Variants in CFAP47 observed in about 807,000 individuals in gnomAD.
The protein encoded by CFAP47 is cilia- and flagella-associated protein 47.
CFAP47 carries 29 observed loss-of-function variants against 148.1 expected under a neutral mutation model. The observed-to-expected ratio is 0.20, with a 90% CI of 0.15 to 0.27. CFAP47 has a LOEUF of 0.27. Among genes scored for constraint, CFAP47 ranks in the 10% least tolerant of loss-of-function variants. CFAP47 has a pLI of 1.00. For missense variants in CFAP47, 1,872 were observed against 1,697.5 expected, an observed-to-expected ratio of 1.10 and a Z score of -1.81; for synonymous variants, 664 against 577.3, an observed-to-expected ratio of 1.15 and a Z score of -2.15.
intron 27 of CFAP47, among the ~76,000 whole-genome samples, chrX:36,066,624 T>C (rs1937644396): frequency 9.0e-6 from 1 of 111,694 alleles, no homozygotes; most frequent in African/African-American, 3.3e-5. Flanking sequence ...TATTCCTTTA[T>C]CTGAATCCCT....
At chrX:36,172,413 C>G (rs1416240641) in intron 39 of CFAP47, among the ~76,000 whole-genome samples, 1 of 107,429 alleles carries the variant, frequency 9.3e-6, no homozygotes, top group Non-Finnish European at 1.9e-5. Flanking sequence ...TTTGCCCATT[C>G]AGTATGATAT....
At chrX:36,333,264 T>G (rs1941579114) in intron 57 of CFAP47, among the ~76,000 whole-genome samples, 1 of 110,848 alleles carries the variant, frequency 9.0e-6, no homozygotes, top group African/African-American at 3.3e-5. Context: ...ATCCTAAAAC[T>G]TTACCATACC....
chrX:36,018,491 C>T (rs889130166), intron 22 of CFAP47, among the ~76,000 whole-genome samples: 1 of 111,739 alleles, frequency 8.9e-6, no homozygotes, highest in East Asian at 2.8e-4. Context: ...TCATGTATGA[C>T]TTTTATTACG....
intron 2 of CFAP47, 100 bp downstream of exon 2, chrX:35,926,268 A>G: frequency 3.1e-6 from 2 of 635,390 alleles, no homozygotes; most frequent in Non-Finnish European, 4.5e-6. Flanking sequence ...TAGTTTCCTG[A>G]CAGTTGAACT....
intron 13 of CFAP47, among the ~76,000 whole-genome samples, chrX:35,973,962 T>C (rs766871570): frequency 1.8e-5 from 2 of 112,238 alleles, no homozygotes; most frequent in South Asian, 3.7e-4. Context: ...CACCATATAC[T>C]AGACACAGTT....
intron 21 of CFAP47, among the ~76,000 whole-genome samples, chrX:36,005,153 G>A (rs758682474): frequency 1.1e-4 from 12 of 110,087 alleles, no homozygotes; most frequent in Admixed American, 6.8e-4. Flanking sequence ...CCAACTTTTG[G>A]TATTTCTGAT....
intron 57 of CFAP47, among the ~76,000 whole-genome samples, chrX:36,328,989 G>A (rs1556013602): frequency 9.0e-6 from 1 of 111,166 alleles, no homozygotes; most frequent in Admixed American, 9.6e-5. Context: ...GAGGTTTTGT[G>A]TTCTCAAGAA....
intron 49 of CFAP47, among the ~76,000 whole-genome samples, chrX:36,278,872 G>T (rs941315683): frequency 7.2e-5 from 8 of 111,713 alleles, no homozygotes. Context: ...TAATTGCTCA[G>T]TAGTCACATG....
intron 2 of CFAP47, among the ~76,000 whole-genome samples, chrX:35,938,361 T>G (rs1322245748): frequency 9.0e-6 from 1 of 111,224 alleles, no homozygotes; most frequent in Non-Finnish European, 1.9e-5. Context: ...AACCTATATG[T>G]GTGCATCAAA....
At chrX:36,294,576 G>T (rs782797413) in intron 51 of CFAP47, among the ~76,000 whole-genome samples, 1 of 110,311 alleles carries the variant, frequency 9.1e-6, no homozygotes, top group South Asian at 3.9e-4. Context: ...GCCAGGCATG[G>T]TGGCAGGCGC....
intron 1 of CFAP47, among the ~76,000 whole-genome samples, chrX:35,924,331 G>GTATATA (rs1935681522): frequency 9.7e-6 from 1 of 103,087 alleles, no homozygotes; most frequent in Non-Finnish European, 1.9e-5. Flanking sequence ...ATGTGTATAT[G>GTATATA]TGTACATATA....
chrX:36,007,338 C>T (rs1936993282), intron 21 of CFAP47, among the ~76,000 whole-genome samples: 1 of 112,153 alleles, frequency 8.9e-6, no homozygotes, highest in Admixed American at 9.5e-5. Context: ...TTGAATGACA[C>T]CTGCTCCTTT....
chrX:36,039,182 A>G lies in CFAP47; in HGVS notation c.4007+3A>G, dbSNP rs949858462. 9.2e-6 allele frequency: 9 copies of G among 980,046 alleles called. No individual in the cohort carries two copies. The African/African-American group carries it at 1.4e-4, about 15-fold the overall frequency. The allele number at this position is 980,046 out of a possible 1,213,427, so 80.8% of individuals were successfully genotyped here. On this transcript the variant is annotated splice_donor_region_variant and intron_variant, in intron 25 of 63. Transcript: ENST00000378653. ...ATTTTACCTCAAAACTATTTCAGGT[A>G]AATACTCAATGTGAATTTACCACAT...
chrX:35,954,921 T>C (rs1936221895), intron 7 of CFAP47, among the ~76,000 whole-genome samples: 1 of 112,324 alleles, frequency 8.9e-6, no homozygotes, highest in Non-Finnish European at 1.9e-5. Context: ...GGGAATCTGA[T>C]TGTGTTGGAG....
intron 52 of CFAP47, among the ~76,000 whole-genome samples, chrX:36,300,631 G>A (rs1440044706): frequency 8.9e-6 from 1 of 111,823 alleles, no homozygotes; most frequent in Non-Finnish European, 1.9e-5. Flanking sequence ...CTGCTTCCCT[G>A]GGAGTTGAGG....
chrX:35,968,410 C>G (rs929726969), intron 10 of CFAP47, among the ~76,000 whole-genome samples: 2 of 111,539 alleles, frequency 1.8e-5, no homozygotes, highest in Non-Finnish European at 3.8e-5. Flanking sequence ...AAATAAATTA[C>G]TAATTTTCCA....
chrX:36,287,844 T>C (rs944991626), intron 51 of CFAP47, among the ~76,000 whole-genome samples: 2 of 112,097 alleles, frequency 1.8e-5, no homozygotes, highest in Non-Finnish European at 3.8e-5. Flanking sequence ...ATGATCTCTT[T>C]TAAATAATGC....
Position 36,254,505 on chromosome X carries a change from G to T in CFAP47, c.7444+3061G>T, listed in dbSNP as rs144768139. Among the ~76,000 whole-genome samples the T allele has an allele frequency of 4.6e-3, 513 of 111,129 alleles. 5 individuals are homozygous for T. Among genetic ancestry groups the T allele is most frequent in the African/African-American group, 0.015 (463 of 30,561 alleles). On this transcript the variant is annotated intron_variant, in intron 49 of 63. Transcript: ENST00000378653. ...AAATCTGGAGGTAATATAAAAAACAGACAGGAGGGGTGAGATAGGCCAGTA... is the reference window on the plus strand; with the variant it reads ...AAATCTGGAGGTAATATAAAAAACATACAGGAGGGGTGAGATAGGCCAGTA...
chrX:35,976,042 C>T (rs1487663542), intron 15 of CFAP47, 129 bp downstream of exon 15: 24 of 621,922 alleles, frequency 3.9e-5, no homozygotes, highest in Non-Finnish European at 5.4e-5. Context: ...CAGATACTGT[C>T]ATCAGGGGTA....
Sources: gnomAD v4.1 joint callset for allele counts (sites outside exome capture counted in the v4.1 genomes callset) on GRCh38, gnomAD v4.1.1 for gene constraint, MANE v1.5 for transcripts, NCBI Gene and HGNC (gene_info 2026-07-23, HGNC 2026-07-21) for gene names.